ZNF730: variants seen among roughly 807,000 people sequenced by gnomAD.
The protein encoded by ZNF730 is zinc finger protein 730.
Under a neutral mutation model 12.6 loss-of-function variants are expected in ZNF730, and 12 were observed. The ratio of observed to expected loss-of-function variants is 0.95; its 90% CI spans 0.61 to 1.54. The LOEUF is 1.54. Ranked by LOEUF, ZNF730 falls within the 40% of genes most tolerant of loss-of-function variation. The probability of loss-of-function intolerance (pLI) is 0.00; values close to 1 mark genes in which losing one functional copy is unlikely to be tolerated. For missense variants in ZNF730, 643 were observed against 583.5 expected (o/e 1.10, Z -1.05); for synonymous variants, 194 against 195.8 (o/e 0.99, Z 0.08).
chr19:23,085,836 C>CTTTCTTTTTTTT (rs1970052568), intron 1 of ZNF730, among the ~76,000 whole-genome samples: 3 of 54,856 alleles, frequency 5.5e-5, no homozygotes, highest in Admixed American at 2.2e-4. Context: ...ATTTTTTTTT[C>CTTTCTTTTTTTT]TTTTTTTTTT....
At chr19:23,115,347 A>C (rs1425709418), upstream of ZNF730, among the ~76,000 whole-genome samples, 1 of 152,182 alleles carries the variant, frequency 6.6e-6, no homozygotes, top group Non-Finnish European at 1.5e-5. Context: ...CCACATATGC[A>C]AAAAAGGCAG....
chr19:23,137,432 T>A (rs998500390), intron 3 of ZNF730, among the ~76,000 whole-genome samples: 8 of 152,238 alleles, frequency 5.3e-5, no homozygotes, highest in African/African-American at 1.7e-4. Context: ...GTTAATTTTC[T>A]ATTTGCTAAT....
rs145906466 is a variant in ZNF730 at position 23,091,000 on chromosome 19, C to CAA, written c.-94+15626_-94+15627dup. ...GGGTGACAAGAGCAAGACTTCGTCT[C>CAA]AAAAAAAAAAAAAAGAAAAAGAAAA... On this transcript the variant is annotated intron_variant, in intron 1 of 2. Coordinates refer to the ZNF730 transcript ENST00000593635. 3.2e-5 allele frequency among the ~76,000 whole-genome samples: 4 copies of CAA among 125,590 alleles called. 1 individual carries two copies. The Admixed American group carries it at 3.3e-4, about 10-fold the overall frequency. The allele number at this position is 125,590 out of a possible 152,430, so 82.4% of individuals were successfully genotyped here.
chr19:23,101,853 C>T (rs1330521507), intron 1 of ZNF730, among the ~76,000 whole-genome samples: 1 of 152,222 alleles, frequency 6.6e-6, no homozygotes, highest in Admixed American at 6.5e-5. Context: ...CAGGTATGAG[C>T]CACCATGCCC....
chr19:23,130,076 G>T (rs924326727), intron 1 of ZNF730, among the ~76,000 whole-genome samples: 2 of 151,972 alleles, frequency 1.3e-5, no homozygotes, highest in African/African-American at 4.8e-5. Context: ...ATTTGGAGGG[G>T]CCAGGGGTGG....
At chr19:23,124,960 C>T (rs1460358209) in intron 1 of ZNF730, among the ~76,000 whole-genome samples, 1 of 152,102 alleles carries the variant, frequency 6.6e-6, no homozygotes, top group Non-Finnish European at 1.5e-5. Flanking sequence ...GTGGTAGGAA[C>T]CCAGATGGAG....
At chr19:23,089,482 G>A (rs1970119938) in intron 1 of ZNF730, among the ~76,000 whole-genome samples, 1 of 152,154 alleles carries the variant, frequency 6.6e-6, no homozygotes, top group African/African-American at 2.4e-5. Flanking sequence ...GGACCGGGGG[G>A]AGATTATTGA....
intron 1 of ZNF730, among the ~76,000 whole-genome samples, chr19:23,101,545 A>C (rs1055655180): frequency 1.3e-5 from 2 of 152,190 alleles, no homozygotes; most frequent in South Asian, 4.1e-4. Flanking sequence ...TGCATCTGCT[A>C]CCCACCTTAG....
At chr19:23,140,137 AT>A (rs576187771) in intron 3 of ZNF730, among the ~76,000 whole-genome samples, 8 of 150,288 alleles carry the variant, frequency 5.3e-5, no homozygotes, top group Non-Finnish European at 1.2e-4. Context: ...CATCTTATAT[AT>A]TTTTTTTTCT....
At chr19:23,114,699 A>G (rs1970498276), upstream of ZNF730, among the ~76,000 whole-genome samples, 1 of 152,074 alleles carries the variant, frequency 6.6e-6, no homozygotes, top group Non-Finnish European at 1.5e-5. Context: ...CTCTGATCAA[A>G]AATGAATAAT....
intron 1 of ZNF730, among the ~76,000 whole-genome samples, chr19:23,111,074 A>G (rs1189763993): frequency 6.6e-6 from 1 of 152,144 alleles, no homozygotes; most frequent in Non-Finnish European, 1.5e-5. Context: ...TGAGTTCTTA[A>G]AGCTTCCATT....
At chr19:23,122,332 T>C (rs1970609432) in intron 1 of ZNF730, among the ~76,000 whole-genome samples, 2 of 151,994 alleles carry the variant, frequency 1.3e-5, no homozygotes, top group South Asian at 4.2e-4. Context: ...TAGTAGAGAC[T>C]GAGTTTTGCC....
chr19:23,089,552 T>A (rs1970121268), intron 1 of ZNF730, among the ~76,000 whole-genome samples: 1 of 152,140 alleles, frequency 6.6e-6, no homozygotes, highest in South Asian at 2.1e-4. Context: ...TCTCACAAGA[T>A]ATGATGGGTT....
rs1165827085 is a variant in ZNF730 at position 23,126,519 on chromosome 19, ATAAAATT to A, written c.4-7559_4-7553del. The A allele has an allele frequency of 5.1e-5, 20 of 393,992 alleles. 2 individuals carry two copies. In the East Asian group the frequency reaches 1.2e-3, roughly 24 times the overall value. 24.4% of individuals were successfully genotyped at this position (393,992 alleles called of 1,614,324 possible). On this transcript the variant is annotated intron_variant, in intron 1 of 3. Coordinates refer to ENST00000597761, the MANE Select transcript of ZNF730 (RefSeq NM_001277403.2). ...GCGTAACATCATTAAGAAAACAAAA[ATAAAATT>A]TGAAGGAAGGCAGCCCTTTTCAACA...
chr19:23,145,273 A>G lies in ZNF730; in HGVS notation c.229A>G (p.Ile77Val), dbSNP rs1327413715. Residue 77 changes from isoleucine (I) to valine (V), a missense_variant and splice_region_variant, in exon 4 of 4, where the codon ATA becomes GTA. Physicochemically the swap from Ile to Val is conservative, Grantham distance 29 (BLOSUM62 3). Transcript: ENST00000597761. ...TTTGTTATTTTTATTTCTTTCAGTT[A>G]TATGTTCTCATATTGCCCAAGACCT... ...THDMVAKPPV[I>V]CSHIAQDLWP... 6.6e-7 allele frequency: 1 copy of G among 1,512,266 alleles called. No homozygotes were observed. The allele number at this position is 1,512,266 out of a possible 1,614,324, so 93.7% of individuals were successfully genotyped here.
chr19:23,122,504 A>G (rs1970611718), intron 1 of ZNF730, among the ~76,000 whole-genome samples: 1 of 152,248 alleles, frequency 6.6e-6, no homozygotes, highest in African/African-American at 2.4e-5. Context: ...AAATTTAGCA[A>G]CACAGAATGA....
chr19:23,141,703 A>G (rs1599601907), intron 3 of ZNF730, among the ~76,000 whole-genome samples: 1 of 152,294 alleles, frequency 6.6e-6, no homozygotes, highest in East Asian at 1.9e-4. Context: ...TTGGTCATAT[A>G]AAGTAATTTA....
intron 1 of ZNF730, among the ~76,000 whole-genome samples, chr19:23,107,850 CTG>C (rs1440245457): frequency 6.6e-6 from 1 of 152,162 alleles, no homozygotes; most frequent in African/African-American, 2.4e-5. Context: ...TTGGGTGAAA[CTG>C]TAGGTCTTTT....
chr19:23,084,107 G>T (rs994043571), intron 1 of ZNF730, among the ~76,000 whole-genome samples: 2 of 152,026 alleles, frequency 1.3e-5, no homozygotes, highest in Non-Finnish European at 2.9e-5. Flanking sequence ...TATAATGAGG[G>T]GTAGGGATCT....
Sources: gnomAD v4.1 joint callset for allele counts (sites outside exome capture counted in the v4.1 genomes callset) on GRCh38, gnomAD v4.1.1 for gene constraint, MANE v1.5 for transcripts, NCBI Gene and HGNC (gene_info 2026-07-23, HGNC 2026-07-21) for gene names.